Variants in DCT observed in about 807,000 individuals in gnomAD.
The protein encoded by DCT is dopachrome tautomerase.
A neutral mutation model predicts 53.0 loss-of-function variants in DCT; 47 were observed. The ratio of observed to expected loss-of-function variants is 0.89; its 90% confidence interval spans 0.70 to 1.13. The LOEUF (loss-of-function observed/expected upper bound fraction) is 1.13. Ranked by LOEUF, DCT falls within the 50% of genes most tolerant of loss-of-function variation. DCT has a pLI of 0.00. For missense variants in DCT, 669 were observed against 637.4 expected (o/e 1.05, Z -0.53); for synonymous variants, 244 against 237.0 (o/e 1.03, Z -0.27).
the DCT span, among the ~76,000 whole-genome samples, chr13:94,521,377 G>A: frequency 6.6e-6 from 1 of 152,190 alleles, no homozygotes; most frequent in Non-Finnish European, 1.5e-5. Flanking sequence ...TTCATGTTAA[G>A]AACCCTTTAG....
At chr13:94,441,206 A>G (rs1326203387) in intron 7 of DCT, among the ~76,000 whole-genome samples, 3 of 152,132 alleles carry the variant, frequency 2.0e-5, no homozygotes, top group Admixed American at 6.5e-5. Context: ...CTCCTGATTC[A>G]ACCCAGCAGC....
At chr13:94,478,740 C>T (rs1430034663) in intron 1 of DCT, among the ~76,000 whole-genome samples, 4 of 152,242 alleles carry the variant, frequency 2.6e-5, no homozygotes, top group African/African-American at 9.6e-5. Context: ...CAGGCTTGGC[C>T]CACGCCATAT....
the DCT span, among the ~76,000 whole-genome samples, chr13:94,527,903 T>C: frequency 3.9e-5 from 6 of 152,212 alleles, no homozygotes; most frequent in East Asian, 9.7e-4. Context: ...AAAGGTTAGA[T>C]GAATGGCTAG....
Position 94,440,793 on chromosome 13 carries a change from G to C in DCT, c.1382-717C>G, listed in dbSNP as rs977908459. ...CCTCCTGAGTTCAAGCGATTCTCCTGCCTCAGCCTCCCGAGTAGCTGGGAT... is the reference window on the plus strand; with the variant it reads ...CCTCCTGAGTTCAAGCGATTCTCCTCCCTCAGCCTCCCGAGTAGCTGGGAT... On this transcript the variant is annotated intron_variant, in intron 7 of 7. Transcript: ENST00000377028. Among the ~76,000 whole-genome samples, 5 of 145,076 alleles carry C rather than the reference G, an allele frequency of 3.4e-5. No homozygotes were observed. In the South Asian group the frequency reaches 1.1e-3, roughly 32 times the overall value.
chr13:94,523,473 G>C, the DCT span, among the ~76,000 whole-genome samples: 6 of 152,138 alleles, frequency 3.9e-5, no homozygotes. Context: ...ATCTAGTCTT[G>C]CAGTTACCTG....
the DCT span, among the ~76,000 whole-genome samples, chr13:94,491,470 T>A: frequency 6.6e-6 from 1 of 152,186 alleles, no homozygotes; most frequent in Non-Finnish European, 1.5e-5. Flanking sequence ...ACCTGACTCC[T>A]AAATAAGGTC....
At chr13:94,489,818 T>G in the DCT span, among the ~76,000 whole-genome samples, 1 of 152,024 alleles carries the variant, frequency 6.6e-6, no homozygotes, top group Admixed American at 6.6e-5. Context: ...TTATAAGTAC[T>G]TCTAATAATT....
chr13:94,533,535 A>G, the DCT span, among the ~76,000 whole-genome samples: 3 of 152,206 alleles, frequency 2.0e-5, no homozygotes, highest in African/African-American at 7.2e-5. Context: ...CTATAATCCC[A>G]ACACTTTGGG....
chr13:94,440,749 C>T (rs191740323), intron 7 of DCT, among the ~76,000 whole-genome samples: 81 of 133,768 alleles, frequency 6.1e-4, no homozygotes, highest in African/African-American at 2.2e-3. Flanking sequence ...GGCATGATCT[C>T]GGCTCACTGC....
chr13:94,510,489 T>G, the DCT span, among the ~76,000 whole-genome samples: 1 of 152,200 alleles, frequency 6.6e-6, no homozygotes, highest in Admixed American at 6.5e-5. Context: ...AAGAAAAGCA[T>G]GTGAAGTGAC....
At chr13:94,549,201 T>G in the DCT span, among the ~76,000 whole-genome samples, 1 of 152,328 alleles carries the variant, frequency 6.6e-6, no homozygotes, top group Non-Finnish European at 1.5e-5. Flanking sequence ...ATCTGACCAC[T>G]CAACAGTTTT....
At chr13:94,471,404 A>C (rs1884637608) in intron 1 of DCT, among the ~76,000 whole-genome samples, 1 of 152,202 alleles carries the variant, frequency 6.6e-6, no homozygotes, top group Admixed American at 6.5e-5. Flanking sequence ...GAAAAAAGGA[A>C]AAATTCTACT....
At chr13:94,446,780 G>T (rs1214196189) in intron 6 of DCT, among the ~76,000 whole-genome samples, 2 of 152,062 alleles carry the variant, frequency 1.3e-5, no homozygotes, top group African/African-American at 2.4e-5. Context: ...ACAATCTTTG[G>T]CATTCCTTGC....
the DCT span, among the ~76,000 whole-genome samples, chr13:94,546,749 C>T: frequency 6.6e-6 from 1 of 152,130 alleles, no homozygotes; most frequent in Non-Finnish European, 1.5e-5. This position sits in a 1 kb window ranked among gnomAD's most constrained non-coding sequence, Gnocchi z 4.2. Context: ...AACTGGTCAT[C>T]ATCAGTTTCC....
the DCT span, among the ~76,000 whole-genome samples, chr13:94,487,372 A>C: frequency 6.6e-6 from 1 of 152,232 alleles, no homozygotes; most frequent in Non-Finnish European, 1.5e-5. Context: ...GCATACTTTC[A>C]TTTTGCATGC....
the DCT span, among the ~76,000 whole-genome samples, chr13:94,494,646 T>C: frequency 1.3e-5 from 2 of 152,288 alleles, no homozygotes; most frequent in South Asian, 4.1e-4. Context: ...CTTTCTATAA[T>C]ATAATGAAGG....
At chr13:94,510,289 C>T in the DCT span, among the ~76,000 whole-genome samples, 52 of 152,110 alleles carry the variant, frequency 3.4e-4, no homozygotes, top group South Asian at 2.1e-4. Flanking sequence ...TCATGGGTAT[C>T]GGGATATTTA....
chr13:94,503,491 A>T, the DCT span, among the ~76,000 whole-genome samples: 1 of 151,964 alleles, frequency 6.6e-6, no homozygotes, highest in Admixed American at 6.6e-5. Context: ...AAAGTTAAGG[A>T]TCTTAAAATG....
the DCT span, among the ~76,000 whole-genome samples, chr13:94,518,729 T>A: frequency 6.6e-6 from 1 of 152,244 alleles, no homozygotes; most frequent in African/African-American, 2.4e-5. Flanking sequence ...CCAGAGTTAT[T>A]GTTTAAAATA....
Sources: gnomAD v4.1 joint callset for allele counts (sites outside exome capture counted in the v4.1 genomes callset) on GRCh38, gnomAD v4.1.1 for gene constraint, Gnocchi (gnomAD v3.1) non-coding constraint, MANE v1.5 for transcripts, NCBI Gene and HGNC (gene_info 2026-07-23, HGNC 2026-07-21) for gene names.